The following CSMD1 variants were observed in gnomAD, a reference collection of about 807,000 sequenced individuals.
CSMD1 encodes the protein CUB and sushi domain-containing protein 1.
A neutral mutation model predicts 417.5 loss-of-function variants in CSMD1; 213 were observed. That is an observed-to-expected ratio of 0.51 (90% confidence interval 0.46 to 0.57). The LOEUF (loss-of-function observed/expected upper bound fraction) is 0.57, where lower values mean the gene tolerates loss of function less well. Among genes scored for constraint, CSMD1 ranks in the 20% least tolerant of loss-of-function variants. The pLI is 0.00. For synonymous variants in CSMD1, 2,862 were observed against 1,736.8 expected (o/e 1.65, Z -16.11); for missense variants, 6,923 against 4,529.7 (o/e 1.53, Z -15.17).
At chr8:3,899,605 C>T (rs1418743935) in intron 5 of CSMD1, among the ~76,000 whole-genome samples, 1 of 152,112 alleles carries the variant, frequency 6.6e-6, no homozygotes, top group Non-Finnish European at 1.5e-5. Flanking sequence ...AATATAGCTC[C>T]AACATAAGTA....
chr8:4,403,008 T>G (rs933729120), intron 3 of CSMD1, among the ~76,000 whole-genome samples: 8 of 151,776 alleles, frequency 5.3e-5, no homozygotes, highest in African/African-American at 1.5e-4. Flanking sequence ...TGTTGTTGTT[T>G]TTTTAGTGGA....
chr8:3,276,184 G>A (rs188364900), intron 26 of CSMD1, among the ~76,000 whole-genome samples: 129 of 151,940 alleles, frequency 8.5e-4, no homozygotes, highest in Middle Eastern at 3.4e-3. Context: ...TGGAGTACTC[G>A]GCCGTGTGAG....
chr8:3,718,343 A>G (rs1255857078), intron 6 of CSMD1, among the ~76,000 whole-genome samples: 2 of 152,170 alleles, frequency 1.3e-5, no homozygotes, highest in African/African-American at 2.4e-5. Flanking sequence ...ACTTTTGAGA[A>G]AAACTGACAA....
chr8:3,894,453 T>C (rs934491480), intron 5 of CSMD1, among the ~76,000 whole-genome samples: 1 of 152,154 alleles, frequency 6.6e-6, no homozygotes, highest in Non-Finnish European at 1.5e-5. Flanking sequence ...AAGAAAATAA[T>C]CTTGAATTAT....
chr8:3,049,173 T>C (rs1811653094), intron 50 of CSMD1, among the ~76,000 whole-genome samples: 1 of 152,160 alleles, frequency 6.6e-6, no homozygotes, highest in South Asian at 2.1e-4. Flanking sequence ...GATAGTCTGA[T>C]GGTTTCTTAA....
chr8:4,105,917 C>T (rs559219856), intron 3 of CSMD1, among the ~76,000 whole-genome samples: 3 of 152,188 alleles, frequency 2.0e-5, no homozygotes, highest in African/African-American at 7.2e-5. Flanking sequence ...AGGCTTCAGC[C>T]CAAGGTTCGG....
At chr8:3,302,415 C>A (rs1042884657) in intron 25 of CSMD1, among the ~76,000 whole-genome samples, 2 of 152,196 alleles carry the variant, frequency 1.3e-5, no homozygotes, top group South Asian at 4.2e-4. Context: ...TCTCTCCGCA[C>A]AGCAGTGGCA....
At chr8:4,242,725 G>C (rs1208136757) in intron 3 of CSMD1, among the ~76,000 whole-genome samples, 1 of 151,982 alleles carries the variant, frequency 6.6e-6, no homozygotes, top group Non-Finnish European at 1.5e-5. Flanking sequence ...CTGCCCAGTT[G>C]AGTGGCTCTC....
intron 3 of CSMD1, among the ~76,000 whole-genome samples, chr8:4,224,539 G>C (rs1801230870): frequency 6.6e-6 from 1 of 152,136 alleles, no homozygotes; most frequent in South Asian, 2.1e-4. Flanking sequence ...ACCCGGCTAG[G>C]AACTCAAGGG....
At chr8:3,722,090 C>G (rs1481838309) in intron 6 of CSMD1, among the ~76,000 whole-genome samples, 2 of 152,172 alleles carry the variant, frequency 1.3e-5, no homozygotes, top group African/African-American at 2.4e-5. Context: ...TGCCTGTAAT[C>G]TCAGCACTTT....
Position 3,635,806 on chromosome 8 carries a change from A to C in CSMD1, c.1010-19009T>G, listed in dbSNP as rs565138187. Among the ~76,000 whole-genome samples, 4 of 150,128 alleles carry C rather than the reference A, an allele frequency of 2.7e-5. No individual in the cohort carries two copies. In the East Asian group the frequency reaches 7.9e-4, roughly 30 times the overall value. Reference sequence around the variant, plus strand: ...CTGCTTCCATCTCAAAAAAAAAAAAAAAAAAAAAAGAAAGAAAGAAAGAAA... The same window carrying C: ...CTGCTTCCATCTCAAAAAAAAAAAACAAAAAAAAAGAAAGAAAGAAAGAAA... On this transcript the variant is annotated intron_variant, in intron 7 of 69. Coordinates refer to ENST00000635120, the MANE Select transcript of CSMD1 (RefSeq NM_033225.6).
At chr8:3,098,365 A>G (rs1815484857) in intron 46 of CSMD1, among the ~76,000 whole-genome samples, 1 of 152,234 alleles carries the variant, frequency 6.6e-6, no homozygotes, top group African/African-American at 2.4e-5. Flanking sequence ...TTTTTATTCA[A>G]GTAACTGCCT....
At chr8:3,960,780 G>A (rs549050134) in intron 5 of CSMD1, among the ~76,000 whole-genome samples, 10 of 151,684 alleles carry the variant, frequency 6.6e-5, no homozygotes, top group Non-Finnish European at 1.0e-4. Flanking sequence ...AAAAACATAT[G>A]TAGAAACTGG....
At chr8:4,435,346 G>A (rs1391856270) in intron 2 of CSMD1, among the ~76,000 whole-genome samples, 3 of 152,076 alleles carry the variant, frequency 2.0e-5, no homozygotes. Context: ...GGAGTTTTGA[G>A]GCCTTATTTA....
intron 1 of CSMD1, among the ~76,000 whole-genome samples, chr8:4,730,031 G>A (rs1284171957): frequency 1.3e-5 from 2 of 152,086 alleles, no homozygotes; most frequent in African/African-American, 2.4e-5. Context: ...CTGCTCCCAT[G>A]TTAATGTTTT....
chr8:4,052,962 C>T (rs1054087455), intron 3 of CSMD1, among the ~76,000 whole-genome samples: 4 of 152,074 alleles, frequency 2.6e-5, no homozygotes, highest in Non-Finnish European at 5.9e-5. Flanking sequence ...TATAAATGGA[C>T]CCAGAACCTG....
At chr8:2,956,105 C>T (rs974052576) in intron 63 of CSMD1, among the ~76,000 whole-genome samples, 1 of 151,982 alleles carries the variant, frequency 6.6e-6, no homozygotes, top group African/African-American at 2.4e-5. Flanking sequence ...GAAATAAAAA[C>T]ACTTCTGCTA....
At chr8:4,808,703 G>T (rs549578804) in intron 1 of CSMD1, among the ~76,000 whole-genome samples, 1 of 152,128 alleles carries the variant, frequency 6.6e-6, no homozygotes, top group Non-Finnish European at 1.5e-5. Flanking sequence ...ATCTACTGTC[G>T]CTTGAACACG....
intron 1 of CSMD1, among the ~76,000 whole-genome samples, chr8:4,988,156 T>G (rs1183867120): frequency 6.6e-6 from 1 of 152,238 alleles, no homozygotes; most frequent in Non-Finnish European, 1.5e-5. Flanking sequence ...TTTATGTTCT[T>G]GATCTCATGT....
Sources: allele counts gnomAD v4.1 joint callset (sites outside exome capture counted in the v4.1 genomes callset), GRCh38; gene constraint gnomAD v4.1.1; transcripts MANE v1.5; gene names NCBI Gene and HGNC (gene_info 2026-07-23, HGNC 2026-07-21).